Variants in NT5DC3 observed in about 807,000 individuals in gnomAD.
The protein encoded by NT5DC3 is 5'-nucleotidase domain-containing protein 3.
NT5DC3 carries 42 observed loss-of-function variants against 67.8 expected under a neutral mutation model. The observed-to-expected ratio is 0.62, with a 90% CI of 0.48 to 0.80. NT5DC3 has a LOEUF of 0.80. Among genes scored for constraint, NT5DC3 ranks in the 30% least tolerant of loss-of-function variants. NT5DC3 has a pLI of 0.00. For synonymous variants in NT5DC3, 237 were observed against 255.6 expected (o/e 0.93, Z 0.69); for missense variants, 570 against 696.4 (o/e 0.82, Z 2.04).
At chr12:103,836,076 AT>A (rs930160317) in intron 1 of NT5DC3, among the ~76,000 whole-genome samples, 4 of 152,164 alleles carry the variant, frequency 2.6e-5, no homozygotes, top group African/African-American at 9.7e-5. Flanking sequence ...CCATGATTCA[AT>A]TACCTCCCCC....
chr12:103,793,517 G>A lies in NT5DC3; in HGVS notation c.815-5C>T. 1 of 1,604,656 alleles carries A rather than the reference G, an allele frequency of 6.2e-7. No homozygotes were observed. On this transcript the variant is annotated splice_region_variant and splice_polypyrimidine_tract_variant and intron_variant, in intron 7 of 13. Transcript: ENST00000392876. ...CAGCATAGCAGATGTACTTTTCTAA[G>A]AGCAAGAGAAAAATTCACACACAGA...
chr12:103,807,437 T>A (rs1410950797), intron 2 of NT5DC3, among the ~76,000 whole-genome samples: 1 of 152,192 alleles, frequency 6.6e-6, no homozygotes, highest in Non-Finnish European at 1.5e-5. Flanking sequence ...GACGGCCCCA[T>A]TACCAGGTTT....
At chr12:103,800,615 T>C (rs1886528103) in intron 4 of NT5DC3, among the ~76,000 whole-genome samples, 1 of 152,184 alleles carries the variant, frequency 6.6e-6, no homozygotes, top group Admixed American at 6.5e-5. Flanking sequence ...GCCAGCTGAA[T>C]TCCCCAAGAA....
At chr12:103,783,142 C>A (rs1885629188) in intron 12 of NT5DC3, among the ~76,000 whole-genome samples, 1 of 152,344 alleles carries the variant, frequency 6.6e-6, no homozygotes, top group South Asian at 2.1e-4. Context: ...CTAGAAACAT[C>A]TACCACAGGC....
intron 2 of NT5DC3, among the ~76,000 whole-genome samples, chr12:103,812,235 C>T (rs1396512486): frequency 5.3e-5 from 8 of 152,114 alleles, no homozygotes; most frequent in South Asian, 4.1e-4. Context: ...GTCTCAAAAG[C>T]GATGTCTTTC....
At chr12:103,750,788 G>T in the NT5DC3 span, 1 of 1,515,220 alleles carries the variant, frequency 6.6e-7, no homozygotes, top group African/African-American at 1.4e-5. Flanking sequence ...GACCCTCAAG[G>T]GAAAGAAGAA....
At chr12:103,812,899 T>C (rs1276407812) in intron 2 of NT5DC3, among the ~76,000 whole-genome samples, 1 of 152,238 alleles carries the variant, frequency 6.6e-6, no homozygotes, top group East Asian at 1.9e-4. Flanking sequence ...CATTTACTAA[T>C]TCATTTACCA....
chr12:103,829,251 T>C (rs1887827343), intron 1 of NT5DC3, among the ~76,000 whole-genome samples: 1 of 152,200 alleles, frequency 6.6e-6, no homozygotes. Context: ...ATAGTCTCTG[T>C]TGCAACTGCT....
At chr12:103,814,564 TG>T (rs1593422438) in intron 2 of NT5DC3, among the ~76,000 whole-genome samples, 1 of 152,330 alleles carries the variant, frequency 6.6e-6, no homozygotes, top group East Asian at 1.9e-4. Flanking sequence ...TTCAAATTGG[TG>T]TTGAAGGTAA....
downstream of NT5DC3, among the ~76,000 whole-genome samples, chr12:103,771,793 T>C (rs1483575682): frequency 6.6e-6 from 1 of 152,204 alleles, no homozygotes; most frequent in Non-Finnish European, 1.5e-5. Flanking sequence ...AAGTGTCTTA[T>C]AAGCTCATTC....
intron 1 of NT5DC3, among the ~76,000 whole-genome samples, chr12:103,822,814 T>G (rs1566125278): frequency 6.6e-6 from 1 of 152,196 alleles, no homozygotes; most frequent in Non-Finnish European, 1.5e-5. Flanking sequence ...ACCCAGTAAT[T>G]CCCTTTCCAG....
At chr12:103,751,190 G>A in the NT5DC3 span, among the ~76,000 whole-genome samples, 35 of 152,196 alleles carry the variant, frequency 2.3e-4, no homozygotes, top group African/African-American at 6.5e-4. Flanking sequence ...GGTTGGGTTT[G>A]TTTGACAGAT....
At chr12:103,767,815 G>A (rs1885048519), downstream of NT5DC3, among the ~76,000 whole-genome samples, 1 of 152,000 alleles carries the variant, frequency 6.6e-6, no homozygotes, top group Non-Finnish European at 1.5e-5. Flanking sequence ...GGGCATGGTG[G>A]CTCATGCCTG....
the NT5DC3 span, among the ~76,000 whole-genome samples, chr12:103,749,841 C>CAAAAAAAAAAAAAAAAAAA: frequency 1.6e-4 from 8 of 51,132 alleles, no homozygotes; most frequent in African/African-American, 2.8e-4. Context: ...CTCTGTCTCA[C>CAAAAAAAAAAAAAAAAAAA]AAAAAAAAAA....
intron 1 of NT5DC3, among the ~76,000 whole-genome samples, chr12:103,837,444 G>T (rs941155940): frequency 8.5e-5 from 13 of 152,200 alleles, no homozygotes; most frequent in Non-Finnish European, 8.8e-5. Context: ...AAAAAAATGG[G>T]TTTTTCTTTT....
chr12:103,811,448 A>C (rs1042375245), intron 2 of NT5DC3, among the ~76,000 whole-genome samples: 6 of 152,074 alleles, frequency 3.9e-5, no homozygotes, highest in African/African-American at 1.4e-4. Context: ...TGAAAACCAC[A>C]CTTCACCTCG....
chr12:103,840,109 G>T (rs1888315467), intron 1 of NT5DC3, among the ~76,000 whole-genome samples: 1 of 152,204 alleles, frequency 6.6e-6, no homozygotes, highest in South Asian at 2.1e-4. Context: ...CCTTGGCCAG[G>T]TCATTTAAAC....
rs912449318 is a variant in NT5DC3 at position 103,785,934 on chromosome 12, C to T, written c.1189-459G>A. 1.2e-4 allele frequency among the ~76,000 whole-genome samples: 18 copies of T among 152,040 alleles called. No homozygotes were observed. The South Asian group carries it at 1.2e-3, about 11-fold the overall frequency. Reference sequence around the variant, plus strand: ...CACATACAACATAAGCATGCATGATCACATTTTCCATTCCAAATGCTGTCA... The same window carrying T: ...CACATACAACATAAGCATGCATGATTACATTTTCCATTCCAAATGCTGTCA... On this transcript the variant is annotated intron_variant, in intron 11 of 13. Transcript: ENST00000392876.
chr12:103,777,906 G>T lies in NT5DC3; in HGVS notation c.1570C>A (p.Gln524Lys). The T allele has an allele frequency of 6.2e-7, 1 of 1,614,208 alleles. No individual in the cohort carries two copies. Among genetic ancestry groups the T allele is most frequent in the Non-Finnish European group, 8.5e-7 (1 of 1,180,036 alleles). The change falls in exon 14 of 14, where the codon CAG (glutamine) becomes AAG (lysine). Residue 524 changes from glutamine (Q) to lysine (K), a missense_variant. By Grantham distance (53) the Gln-to-Lys change is moderately conservative (BLOSUM62 1). This residue lies in a region of NT5DC3 where 466 missense variants were observed against 608.0 expected (regional missense o/e 0.77). Coordinates refer to ENST00000392876, the MANE Select transcript of NT5DC3 (RefSeq NM_001031701.3). ...TCTGACCAGGCGGGCAGTTCGTGCTGCAGTGGAGTCCTCCGGGGGTAGAAA... is the reference window on the plus strand; with the variant it reads ...TCTGACCAGGCGGGCAGTTCGTGCTTCAGTGGAGTCCTCCGGGGGTAGAAA... The part of the protein sequence containing the change: ...HTFYPRRTPL[Q>K]HELPAWSERP...
Sources: gnomAD v4.1 joint callset for allele counts (sites outside exome capture counted in the v4.1 genomes callset) on GRCh38, gnomAD v4.1.1 for gene constraint, gnomAD v4.1.1 regional missense constraint, MANE v1.5 for transcripts, NCBI Gene and HGNC (gene_info 2026-07-23, HGNC 2026-07-21) for gene names.